Variants in MSH6 observed in about 807,000 individuals in gnomAD.
MSH6 encodes the protein mutS homolog 6, also known as DNA mismatch repair protein Msh6.
A neutral mutation model predicts 119.1 loss-of-function variants in MSH6; 85 were observed. That is an observed-to-expected ratio of 0.71 (90% CI 0.60 to 0.85). The LOEUF (loss-of-function observed/expected upper bound fraction) is 0.85, where lower values mean the gene tolerates loss of function less well. Among genes scored for constraint, MSH6 ranks in the 40% least tolerant of loss-of-function variants. The pLI, the probability that MSH6 is intolerant of heterozygous loss-of-function variation, is 0.00. For synonymous variants in MSH6, 830 were observed against 586.9 expected, an observed-to-expected ratio of 1.41 and a Z score of -5.99; for missense variants, 2,163 against 1,655.3, an observed-to-expected ratio of 1.31 and a Z score of -5.32.
intron 3 of MSH6, among the ~76,000 whole-genome samples, chr2:47,796,279 A>G (rs1669085018): frequency 6.6e-6 from 1 of 152,194 alleles, no homozygotes; most frequent in East Asian, 1.9e-4. Flanking sequence ...TAGGTTTTCA[A>G]GCCTACTGGC....
At chr2:47,809,017 G>A (rs918478047), downstream of MSH6, 8 of 571,954 alleles carry the variant, frequency 1.4e-5, no homozygotes, top group African/African-American at 5.8e-5. Flanking sequence ...TCTTAAACAC[G>A]ATCTTCAAGT....
At chr2:47,788,929 T>G (rs1668548352) in intron 1 of MSH6, among the ~76,000 whole-genome samples, 1 of 92,602 alleles carries the variant, frequency 1.1e-5, no homozygotes, top group African/African-American at 5.2e-5. Context: ...TTTGTTTTTT[T>G]TTTTTTTTTT....
At position 47,798,948 on chromosome 2, in the gene MSH6, C is replaced by A. The variant is rs1253844411; in HGVS notation, c.965C>A (p.Ala322Asp). 6.2e-7 allele frequency: 1 copy of A among 1,614,078 alleles called. No homozygotes were observed. Among genetic ancestry groups the A allele is most frequent in the African/African-American group, 1.3e-5 (1 of 74,924 alleles). ...RKSSRKETPS[A>D]TKQATSISSE... ...AGCTCTAGGAAGGAAACGCCCTCAG[C>A]CACCAAACAAGCAACTAGCATTTCA... The change falls in exon 4 of 10, where the codon GCC becomes GAC. Residue 322 changes from alanine to aspartate, a missense_variant. Coordinates refer to ENST00000234420, the MANE Select transcript of MSH6 (RefSeq NM_000179.3).
rs730881822 is a variant in MSH6, at chr2:47,783,228, G to A, written c.-6G>A. 2 of 1,611,292 alleles carry A rather than the reference G, an allele frequency of 1.2e-6. No individual in the cohort carries two copies. Among genetic ancestry groups the A allele is most frequent in the Non-Finnish European group, 1.7e-6 (2 of 1,179,358 alleles). On this transcript the variant is annotated 5_prime_UTR_variant, in exon 1 of 10. Transcript: ENST00000234420. Reference sequence around the variant, plus strand: ...ACAGAACGGTTGGGCCTTGCCGGCTGTCGGTATGTCGCGACAGAGCACCCT... The same window carrying A: ...ACAGAACGGTTGGGCCTTGCCGGCTATCGGTATGTCGCGACAGAGCACCCT...
downstream of MSH6, chr2:47,808,881 GAGAC>G (rs1180770736): frequency 6.5e-6 from 2 of 309,420 alleles, no homozygotes; most frequent in Non-Finnish European, 1.2e-5. Flanking sequence ...TTGTTTTGTA[GAGAC>G]AGGGTCTCCC....
At chr2:47,783,638 A>G (rs1470054723) in intron 1 of MSH6, 145 bp downstream of exon 1, 3 of 808,412 alleles carry the variant, frequency 3.7e-6, no homozygotes, top group Non-Finnish European at 5.4e-6. Context: ...GTTGGCTTGA[A>G]TGAGTGCAGG....
In MSH6 at chr2:47,806,444, T is replaced by G. The variant is rs864622195; in HGVS notation, c.3802-8T>G. 1 of 1,614,070 alleles carries G rather than the reference T, an allele frequency of 6.2e-7. No homozygotes were observed. Among genetic ancestry groups the G allele is most frequent in the Non-Finnish European group, 8.5e-7 (1 of 1,179,976 alleles). On this transcript the variant is annotated splice_region_variant and splice_polypyrimidine_tract_variant and intron_variant, in intron 8 of 9. Coordinates refer to ENST00000234420, the MANE Select transcript of MSH6 (RefSeq NM_000179.3). ...GCACATGTATCGCTAATATTTTTCTTTCTTAAGGCATGCATGGTAGAAAAT... is the reference window on the plus strand; with the variant it reads ...GCACATGTATCGCTAATATTTTTCTGTCTTAAGGCATGCATGGTAGAAAAT...
intron 1 of MSH6, chr2:47,784,461 CTT>C (rs1234514213): frequency 1.3e-4 from 18 of 142,908 alleles, no homozygotes; most frequent in Non-Finnish European, 2.0e-4. Context: ...CAGTTAAGTG[CTT>C]TTTTTTTTTT....
chr2:47,800,125 T>C lies in MSH6; in HGVS notation c.2142T>C (p.Ser714=), dbSNP rs786201606. Residue 714 remains serine (S), a synonymous_variant, in exon 4 of 10, where the codon TCT becomes TCC. Coordinates refer to ENST00000234420, the MANE Select transcript of MSH6 (RefSeq NM_000179.3). ...TTGAAGAATATATTCCCTTGGATTC[T>C]GACACAGTCAGCACTACAAGATCTG... is the stretch of plus-strand genomic sequence containing the variant. ...ANFEEYIPLD[S]DTVSTTRSGA... The C allele has an allele frequency of 3.1e-6, 5 of 1,614,208 alleles. No individual in the cohort carries two copies. The highest frequency in any genetic ancestry group is 4.2e-6 in the Non-Finnish European group (5 of 1,180,034).
In MSH6 at chr2:47,801,041, A is replaced by C. The variant is rs1553414438; in HGVS notation, c.3058A>C (p.Asn1020His). ...TIEKKLANLI[N>H]AEERRDVSLK... ...TGAAAAGAAGTTGGCTAATCTCATA[A>C]ATGCTGAAGAACGGAGGGATGTATC... is the stretch of plus-strand genomic sequence containing the variant. Residue 1020 changes from asparagine to histidine, a missense_variant, in exon 4 of 10, where the codon AAT becomes CAT. Physicochemically the swap from Asn to His is moderately conservative, Grantham distance 68 (BLOSUM62 1). Coordinates refer to ENST00000234420, the MANE Select transcript of MSH6 (RefSeq NM_000179.3). 6.3e-7 allele frequency: 1 copy of C among 1,592,994 alleles called. No homozygotes were observed.
In MSH6 at chr2:47,783,461, G is replaced by A. The variant is rs2103943401; in HGVS notation, c.228G>A (p.Leu76=). The A allele has an allele frequency of 6.8e-7, 1 of 1,462,386 alleles. No individual in the cohort carries two copies. The highest frequency in any genetic ancestry group is 9.0e-7 in the Non-Finnish European group (1 of 1,107,982). The allele number at this position is 1,462,386 out of a possible 1,614,324, so 90.6% of individuals were successfully genotyped here. A position where few individuals can be genotyped will look rare whatever the true frequency, so the allele number is the denominator to read the frequency against. The change falls in exon 1 of 10, where the codon CTG becomes CTA. Residue 76 remains leucine, a synonymous_variant. Transcript: ENST00000234420. The stretch of plus-strand genomic sequence containing the variant: ...AGGCGAAGAACCTCAACGGAGGGCT[G>A]CGGAGATCGGTAGCGCCTGCTGCCC... ...PPKAKNLNGG[L]RRSVAPAAPT...
rs1491155839 is a variant in MSH6 at position 47,788,906 on chromosome 2, C to CTTTTTTTT, written c.261-2021_261-2020insTTTTTTTT. On this transcript the variant is annotated intron_variant, in intron 1 of 9. Transcript: ENST00000234420. The stretch of plus-strand genomic sequence containing the variant: ...GCTATTTCTTTCTTTCTTTCTTCTT[C>CTTTTTTTT]CTTTTTTTTTTTTTTGTTTTTTTTT... Among the ~76,000 whole-genome samples, 153 of 15,824 alleles carry CTTTTTTTT rather than the reference C, an allele frequency of 9.7e-3. 30 individuals are homozygous for CTTTTTTTT. The highest frequency in any genetic ancestry group is 0.036 in the East Asian group (29 of 796). 10.4% of individuals were successfully genotyped at this position (15,824 alleles called of 152,430 possible).
intron 1 of MSH6, 143 bp downstream of exon 1, chr2:47,783,636 G>A: frequency 1.2e-6 from 1 of 842,166 alleles, no homozygotes; most frequent in Non-Finnish European, 1.7e-6. Context: ...GAGTTGGCTT[G>A]AATGAGTGCA....
intron 2 of MSH6, among the ~76,000 whole-genome samples, chr2:47,793,055 T>C (rs907971381): frequency 6.6e-6 from 1 of 151,572 alleles, no homozygotes; most frequent in African/African-American, 2.4e-5. Context: ...GCATGGTGGC[T>C]CACACCTGTA....
At chr2:47,786,488 C>T (rs1558647835) in intron 1 of MSH6, among the ~76,000 whole-genome samples, 1 of 145,924 alleles carries the variant, frequency 6.9e-6, no homozygotes, top group African/African-American at 2.6e-5. Context: ...GTGCCTGCCA[C>T]CACGCCCAGC....
chr2:47,795,852 C>A, intron 2 of MSH6, 42 bp from the exon 3 acceptor site: 3 of 1,585,404 alleles, frequency 1.9e-6, no homozygotes, highest in South Asian at 2.2e-5. Flanking sequence ...GCGTGAGCCT[C>A]TGCACCCGGC....
chr2:47,809,018 A>G (rs1670429197), downstream of MSH6: 2 of 578,054 alleles, frequency 3.5e-6, no homozygotes, highest in African/African-American at 1.9e-5. Context: ...CTTAAACACG[A>G]TCTTCAAGTA....
chr2:47,800,556 T>G lies in MSH6; in HGVS notation c.2573T>G (p.Phe858Cys). The part of the protein sequence containing the change: ...TTYSKKKIID[F>C]LSALEGFKVM... ...TACAGCAAGAAGAAGATTATTGATT[T>G]TCTTTCTGCTCTGGAAGGATTCAAA... The change falls in exon 4 of 10, where the codon TTT becomes TGT. Residue 858 changes from phenylalanine (F) to cysteine (C), a missense_variant. Coordinates refer to ENST00000234420, the MANE Select transcript of MSH6 (RefSeq NM_000179.3). 6.2e-7 allele frequency: 1 copy of G among 1,613,798 alleles called. No homozygotes were observed. Among genetic ancestry groups the G allele is most frequent in the Non-Finnish European group, 8.5e-7 (1 of 1,179,964 alleles).
intron 4 of MSH6, among the ~76,000 whole-genome samples, chr2:47,802,609 ACGCATGAGCCAC>A (rs1669665639): frequency 6.8e-6 from 1 of 148,034 alleles, no homozygotes. Context: ...CTGGGATTAC[ACGCATGAGCCAC>A]TGCGCCCAGC....
Sources: allele counts gnomAD v4.1 joint callset (sites outside exome capture counted in the v4.1 genomes callset), GRCh38; gene constraint gnomAD v4.1.1; transcripts MANE v1.5; gene names NCBI Gene and HGNC (gene_info 2026-07-23, HGNC 2026-07-21).